Variants in UGT8 observed in about 807,000 individuals in gnomAD.
UGT8 encodes 2-hydroxyacylsphingosine 1-beta-galactosyltransferase.
In UGT8, 12 loss-of-function variants were observed where a neutral mutation model predicts 40.5. That is an observed-to-expected ratio of 0.30 (90% CI 0.19 to 0.48). The LOEUF (loss-of-function observed/expected upper bound fraction) is 0.48, where lower values mean the gene tolerates loss of function less well. Ranked by LOEUF, UGT8 falls within the 20% of genes least tolerant of loss-of-function variation. The probability of loss-of-function intolerance (pLI) is 0.99; values close to 1 mark genes in which losing one functional copy is unlikely to be tolerated. For synonymous variants in UGT8, 224 were observed against 240.4 expected (o/e 0.93, Z 0.63); for missense variants, 513 against 648.7 (o/e 0.79, Z 2.27).
rs1322911390 is a variant in UGT8 at position 114,622,919 on chromosome 4, T to A, written c.39T>A (p.Ser13Arg). The change falls in exon 2 of 6, where the codon AGT becomes AGA. Residue 13 changes from serine to arginine, a missense_variant. Physicochemically the swap from Ser to Arg is moderately radical, Grantham distance 110 (BLOSUM62 -1). This residue lies in a region of UGT8 where 335 missense variants were observed against 444.8 expected (regional missense o/e 0.75). Transcript: ENST00000310836. ...SYTPYFILLWSAVGIAKAAKI... is the reference protein window; with the variant it reads ...SYTPYFILLWRAVGIAKAAKI... ...CTCCATATTTCATTCTCCTGTGGAG[T>A]GCTGTTGGGATAGCGAAGGCTGCCA... 1 of 1,613,942 alleles carries A rather than the reference T, an allele frequency of 6.2e-7. No individual in the cohort carries two copies. Among genetic ancestry groups the A allele is most frequent in the Non-Finnish European group, 8.5e-7 (1 of 1,179,934 alleles).
chr4:114,629,264 A>G lies in UGT8; in HGVS notation c.822+5562A>G, dbSNP rs114751467. ...GGGGGTCAGAAAATTGAGGATGACA[A>G]TGTTTAGAAGAGACTAATAATTTCA... On this transcript the variant is annotated intron_variant, in intron 2 of 5. Coordinates refer to ENST00000310836, the MANE Select transcript of UGT8 (RefSeq NM_001128174.3). Among the ~76,000 whole-genome samples the G allele has an allele frequency of 3.3e-3, 504 of 152,298 alleles. 4 individuals are homozygous for G. The highest frequency in any genetic ancestry group is 0.011 in the African/African-American group (474 of 41,566).
At chr4:114,636,616 C>A (rs1355036773) in intron 2 of UGT8, among the ~76,000 whole-genome samples, 1 of 152,106 alleles carries the variant, frequency 6.6e-6, no homozygotes, top group African/African-American at 2.4e-5. Context: ...AAAATATAGC[C>A]AGCCTTATCA....
intron 1 of UGT8, chr4:114,622,565 G>C: frequency 3.8e-6 from 1 of 262,380 alleles, no homozygotes; most frequent in African/African-American, 2.3e-5. Flanking sequence ...CAGTGTAAAA[G>C]TGTTCCTATT....
chr4:114,629,229 T>G (rs1250063603), intron 2 of UGT8, among the ~76,000 whole-genome samples: 1 of 152,182 alleles, frequency 6.6e-6, no homozygotes, highest in Non-Finnish European at 1.5e-5. Context: ...TGCTATGTTG[T>G]TAGCTATGTG....
At chr4:114,645,809 T>C (rs1423378994) in intron 2 of UGT8, among the ~76,000 whole-genome samples, 7 of 152,168 alleles carry the variant, frequency 4.6e-5, no homozygotes, top group Non-Finnish European at 1.0e-4. Context: ...ATCTGAGTTG[T>C]ATAGGGATAG....
chr4:114,647,882 C>G (rs988719779), intron 2 of UGT8, among the ~76,000 whole-genome samples: 1 of 152,124 alleles, frequency 6.6e-6, no homozygotes, highest in Non-Finnish European at 1.5e-5. Context: ...ATTGCTTTGT[C>G]CTTGTTCTTG....
intron 2 of UGT8, among the ~76,000 whole-genome samples, chr4:114,640,042 T>TC (rs1304498210): frequency 1.3e-5 from 2 of 150,728 alleles, no homozygotes; most frequent in Non-Finnish European, 3.0e-5. Flanking sequence ...TGTTTTTTTT[T>TC]TTTTTTGAGA....
chr4:114,603,397 G>A (rs999068388), intron 1 of UGT8, among the ~76,000 whole-genome samples: 3 of 152,150 alleles, frequency 2.0e-5, no homozygotes, highest in Non-Finnish European at 2.9e-5. Flanking sequence ...TATAAACCGT[G>A]AAAGTTGATA....
At chr4:114,627,449 G>A (rs1732303029) in intron 2 of UGT8, among the ~76,000 whole-genome samples, 1 of 151,782 alleles carries the variant, frequency 6.6e-6, no homozygotes, top group African/African-American at 2.4e-5. Context: ...TAGTAGAGAT[G>A]GAGTTTCACC....
At chr4:114,658,418 C>T (rs1213694085) in intron 2 of UGT8, among the ~76,000 whole-genome samples, 1 of 152,146 alleles carries the variant, frequency 6.6e-6, no homozygotes, top group Non-Finnish European at 1.5e-5. Flanking sequence ...CTTCTCAAGG[C>T]TCCCATTCTT....
intron 2 of UGT8, among the ~76,000 whole-genome samples, chr4:114,637,798 A>G (rs938296201): frequency 6.6e-6 from 1 of 152,250 alleles, no homozygotes; most frequent in Non-Finnish European, 1.5e-5. Flanking sequence ...AACAGCAAGT[A>G]CATTTTTGAG....
intron 2 of UGT8, among the ~76,000 whole-genome samples, chr4:114,645,278 T>C (rs1161920854): frequency 6.6e-6 from 1 of 152,220 alleles, no homozygotes; most frequent in Non-Finnish European, 1.5e-5. Context: ...GTGCTTACCA[T>C]GAAGAAGTGT....
intron 2 of UGT8, among the ~76,000 whole-genome samples, chr4:114,628,320 A>G (rs1732366295): frequency 6.6e-6 from 1 of 151,978 alleles, no homozygotes; most frequent in Non-Finnish European, 1.5e-5. Flanking sequence ...TTATATTTTC[A>G]GTAGAGACAG....
At chr4:114,675,898 A>G (rs1483149130) in intron 5 of UGT8, 27 bp from the exon 6 acceptor site, 2 of 1,575,578 alleles carry the variant, frequency 1.3e-6, no homozygotes, top group Non-Finnish European at 1.7e-6. Flanking sequence ...AAGCATCATC[A>G]TTCTGTGTTT....
chr4:114,651,113 A>G (rs1733873005), intron 2 of UGT8, among the ~76,000 whole-genome samples: 1 of 152,072 alleles, frequency 6.6e-6, no homozygotes, highest in African/African-American at 2.4e-5. Context: ...AGGTTTTTAG[A>G]ACTTGACAAG....
intron 2 of UGT8, among the ~76,000 whole-genome samples, chr4:114,645,106 G>C (rs953930375): frequency 6.6e-6 from 1 of 152,116 alleles, no homozygotes; most frequent in Non-Finnish European, 1.5e-5. Flanking sequence ...GGGAATTCAG[G>C]CTGTGTTTAT....
At chr4:114,628,431 C>T (rs1391108080) in intron 2 of UGT8, among the ~76,000 whole-genome samples, 1 of 152,076 alleles carries the variant, frequency 6.6e-6, no homozygotes, top group East Asian at 1.9e-4. Context: ...TGAGCCACTG[C>T]CCCAGCTGGT....
At chr4:114,624,126 G>T (rs1023679975) in intron 2 of UGT8, among the ~76,000 whole-genome samples, 1 of 152,216 alleles carries the variant, frequency 6.6e-6, no homozygotes, top group East Asian at 1.9e-4. Flanking sequence ...GTGAACAGAG[G>T]TTCTTCTCTG....
chr4:114,619,276 T>C (rs1293880878), intron 1 of UGT8: 2 of 152,146 alleles, frequency 1.3e-5, no homozygotes, highest in Non-Finnish European at 2.9e-5. Flanking sequence ...CCTGTGTATA[T>C]ATCTTCAGGG....
Sources: gnomAD v4.1 joint callset for allele counts (sites outside exome capture counted in the v4.1 genomes callset) on GRCh38, gnomAD v4.1.1 for gene constraint, gnomAD v4.1.1 regional missense constraint, MANE v1.5 for transcripts, NCBI Gene and HGNC (gene_info 2026-07-23, HGNC 2026-07-21) for gene names.